The following PC variants were observed in gnomAD, a reference collection of about 807,000 sequenced individuals.
PC encodes pyruvate carboxylase, also known as pyruvate carboxylase, mitochondrial.
Under a neutral mutation model 107.8 loss-of-function variants are expected in PC, and 46 were observed. The ratio of observed to expected loss-of-function variants is 0.43; its 90% confidence interval spans 0.34 to 0.55. The LOEUF is 0.55. Among genes scored for constraint, PC ranks in the 20% least tolerant of loss-of-function variants. The pLI is 0.04. For synonymous variants in PC, 662 were observed against 684.7 expected (o/e 0.97, Z 0.52); for missense variants, 1,241 against 1,643.1 (o/e 0.76, Z 4.23).
intron 3 of PC, among the ~76,000 whole-genome samples, chr11:66,873,505 AT>A (rs1946851983): frequency 7.6e-4 from 3 of 3,932 alleles, no homozygotes; most frequent in East Asian, 0.016. Context: ...ATTATATAAT[AT>A]TATATATTAT....
intron 12 of PC, among the ~76,000 whole-genome samples, chr11:66,855,350 T>TA (rs1274792126): frequency 1.3e-5 from 2 of 152,212 alleles, no homozygotes; most frequent in Non-Finnish European, 1.5e-5. Flanking sequence ...AGACAAAGTG[T>TA]GTCGCCCAGG....
In PC at chr11:66,858,480, C is replaced by A; in HGVS notation, c.1369-5097G>T. The A allele has an allele frequency of 6.5e-7, 1 of 1,541,956 alleles. No individual in the cohort carries two copies. Among genetic ancestry groups the A allele is most frequent in the East Asian group, 2.4e-5 (1 of 41,286 alleles). On this transcript the variant is annotated intron_variant, in intron 12 of 22. Coordinates refer to ENST00000393960, the MANE Select transcript of PC (RefSeq NM_001040716.2). The surrounding 1 kb of genome is among the most constrained non-coding windows in gnomAD (Gnocchi z 5.9). ...CTGCAACTGTGAGCTGCTGTGGCTGCGGCGGCTGGCGCGGCCGGACGACCT... is the reference window on the plus strand; with the variant it reads ...CTGCAACTGTGAGCTGCTGTGGCTGAGGCGGCTGGCGCGGCCGGACGACCT...
chr11:66,942,066 C>T (rs1949148095), intron 3 of PC, among the ~76,000 whole-genome samples: 1 of 149,490 alleles, frequency 6.7e-6, no homozygotes. Flanking sequence ...CGCACCATTG[C>T]ACTCCAGCCT....
At chr11:66,951,125 C>T (rs1343422025) in intron 3 of PC, among the ~76,000 whole-genome samples, 1 of 152,054 alleles carries the variant, frequency 6.6e-6, no homozygotes, top group African/African-American at 2.4e-5. Context: ...CATGAAGGGT[C>T]GTCAGAGGAA....
chr11:66,894,959 C>G (rs1947703196), intron 3 of PC, among the ~76,000 whole-genome samples: 2 of 150,266 alleles, frequency 1.3e-5, no homozygotes, highest in African/African-American at 4.9e-5. Context: ...GAGGCGGAAG[C>G]TGAAGTGAGC....
chr11:66,891,513 C>A (rs1201149460), intron 3 of PC, among the ~76,000 whole-genome samples: 1 of 152,122 alleles, frequency 6.6e-6, no homozygotes, highest in Non-Finnish European at 1.5e-5. Context: ...CCAGCCTCAG[C>A]CTCCCGAGTA....
chr11:66,853,475 G>T, intron 12 of PC, 92 bp from the exon 13 acceptor site: 1 of 1,467,004 alleles, frequency 6.8e-7, no homozygotes, highest in Non-Finnish European at 9.5e-7. Context: ...GGCTGAAGAT[G>T]CTGCCCTGGG....
At chr11:66,860,104 G>T (rs756075388) in intron 12 of PC, 1 of 1,551,752 alleles carries the variant, frequency 6.4e-7, no homozygotes, top group Admixed American at 2.0e-5. Flanking sequence ...GCTTGGGCCC[G>T]ACGGAGCCAC....
intron 3 of PC, among the ~76,000 whole-genome samples, chr11:66,908,686 T>G (rs1360317576): frequency 6.6e-6 from 1 of 152,140 alleles, no homozygotes; most frequent in Non-Finnish European, 1.5e-5. Context: ...TCGGAGGTCT[T>G]GCATGGTTCG....
In PC at chr11:66,858,653, G is replaced by A. The variant is rs1436265913; in HGVS notation, c.1368+5121C>T. The A allele has an allele frequency of 6.5e-7, 1 of 1,541,866 alleles. No homozygotes were observed. The highest frequency in any genetic ancestry group is 2.4e-5 in the East Asian group (1 of 40,908). ...GCCAGCGGGCCACGCTGCGGTGCCGGGCCCTGGGTGACCCCGCGCCTACCA... is the reference window on the plus strand; with the variant it reads ...GCCAGCGGGCCACGCTGCGGTGCCGAGCCCTGGGTGACCCCGCGCCTACCA... On this transcript the variant is annotated intron_variant, in intron 12 of 22. Transcript: ENST00000393960. This position sits in a 1 kb window ranked among gnomAD's most constrained non-coding sequence, Gnocchi z 5.9.
Position 66,945,459 on chromosome 11 carries a change from A to C in PC, c.-1+6971T>G, listed in dbSNP as rs1458782945. Among the ~76,000 whole-genome samples the C allele has an allele frequency of 1.8e-5, 2 of 110,716 alleles. 1 individual carries two copies. Among genetic ancestry groups the C allele is most frequent in the Non-Finnish European group, 4.0e-5 (2 of 50,148 alleles). The allele number at this position is 110,716 out of a possible 152,430, so 72.6% of individuals were successfully genotyped here. ...AACTGCAGAGTTACATGAGATGAGA[A>C]GAGGAAGACATTAGTAATGTGATAC... On this transcript the variant is annotated intron_variant, in intron 3 of 22. Coordinates refer to ENST00000393960, the MANE Select transcript of PC (RefSeq NM_001040716.2).
intron 3 of PC, among the ~76,000 whole-genome samples, chr11:66,879,207 T>C (rs1316898490): frequency 6.6e-6 from 1 of 152,220 alleles, no homozygotes; most frequent in Non-Finnish European, 1.5e-5. Context: ...CAGGCCGTCC[T>C]GGGGTGAAGG....
At chr11:66,931,246 GCACA>G (rs1948839917) in intron 3 of PC, among the ~76,000 whole-genome samples, 1 of 151,944 alleles carries the variant, frequency 6.6e-6, no homozygotes, top group Admixed American at 6.6e-5. Flanking sequence ...GGGCATGGTG[GCACA>G]CACCTGTAGT....
intron 3 of PC, among the ~76,000 whole-genome samples, chr11:66,895,551 A>G (rs1947727016): frequency 6.6e-6 from 1 of 152,262 alleles, no homozygotes; most frequent in Admixed American, 6.5e-5. Context: ...CAGTGAAAAC[A>G]TAGGATGCTA....
chr11:66,850,947 G>A, intron 17 of PC, 24 bp from the exon 18 acceptor site: 1 of 1,607,406 alleles, frequency 6.2e-7, no homozygotes, highest in Non-Finnish European at 8.5e-7. Flanking sequence ...GAGAGAGAGA[G>A]AGAGAGATGG....
Position 66,851,785 on chromosome 11 carries a change from C to G in PC, c.1982+5G>C. The G allele has an allele frequency of 6.2e-7, 1 of 1,614,134 alleles. No homozygotes were observed. The highest frequency in any genetic ancestry group is 8.5e-7 in the Non-Finnish European group (1 of 1,179,982). On this transcript the variant is annotated splice_donor_5th_base_variant and intron_variant, in intron 16 of 22. Coordinates refer to ENST00000393960, the MANE Select transcript of PC (RefSeq NM_001040716.2). ...TAGCGTCTGCCCACCCCACCCCAGGCTCACTTGAAGACCACGTTGTCTGGG... is the reference window on the plus strand; with the variant it reads ...TAGCGTCTGCCCACCCCACCCCAGGGTCACTTGAAGACCACGTTGTCTGGG...
At chr11:66,919,197 C>T (rs75618830) in intron 3 of PC, among the ~76,000 whole-genome samples, 1 of 152,254 alleles carries the variant, frequency 6.6e-6, no homozygotes. Context: ...AGGTGCATCA[C>T]TTGAGGCCAG....
At position 66,858,098 on chromosome 11, in the gene PC, C is replaced by A. The variant is rs901013328; in HGVS notation, c.1369-4715G>T. The A allele has an allele frequency of 1.2e-6, 2 of 1,609,662 alleles. No individual in the cohort carries two copies. The highest frequency in any genetic ancestry group is 3.3e-5 in the Admixed American group (2 of 59,964). On this transcript the variant is annotated intron_variant, in intron 12 of 22. Coordinates refer to ENST00000393960, the MANE Select transcript of PC (RefSeq NM_001040716.2). This position sits in a 1 kb window ranked among gnomAD's most constrained non-coding sequence, Gnocchi z 5.9. ...AGCTGGGCACCGGGAGCCTCCGGGG[C>A]CCCGTCAATCTGCAGCACCTCATCC... is the stretch of plus-strand genomic sequence containing the variant.
chr11:66,871,506 C>T lies in PC; in HGVS notation c.322-26G>A, dbSNP rs201289252. ...CTGCAGGTGGGGGTCAGGGAGAGGA[C>T]GGTACCTTGCAGTCCCTTCCAAGGC... On this transcript the variant is annotated intron_variant, in intron 5 of 22. Coordinates refer to ENST00000393960, the MANE Select transcript of PC (RefSeq NM_001040716.2). This position sits in a 1 kb window ranked among gnomAD's most constrained non-coding sequence, Gnocchi z 7.4. 598 of 1,612,688 alleles carry T rather than the reference C, an allele frequency of 3.7e-4. No homozygotes were observed. The highest frequency in any genetic ancestry group is 4.7e-4 in the Non-Finnish European group (549 of 1,179,770).
Sources: allele counts gnomAD v4.1 joint callset (sites outside exome capture counted in the v4.1 genomes callset), GRCh38; gene constraint gnomAD v4.1.1; non-coding constraint Gnocchi (gnomAD v3.1); transcripts MANE v1.5; gene names NCBI Gene and HGNC (gene_info 2026-07-23, HGNC 2026-07-21).